Variants in TRPM4 observed in about 807,000 individuals in gnomAD.
TRPM4 encodes calcium-activated non-selective cation channel 1.
Under a neutral mutation model 135.6 loss-of-function variants are expected in TRPM4, and 124 were observed. The ratio of observed to expected loss-of-function variants is 0.91; its 90% CI spans 0.79 to 1.06. TRPM4 has a LOEUF of 1.06. Ranked by LOEUF, TRPM4 falls within the 50% of genes least tolerant of loss-of-function variation. TRPM4 has a pLI of 0.00. For synonymous variants in TRPM4, 745 were observed against 705.6 expected (o/e 1.06, Z -0.88); for missense variants, 1,658 against 1,671.4 (o/e 0.99, Z 0.14).
rs559724432 is a variant in TRPM4, at chr19:49,168,784, A to G, written c.796+48A>G. On this transcript the variant is annotated intron_variant, in intron 6 of 24. Coordinates refer to ENST00000252826, the MANE Select transcript of TRPM4 (RefSeq NM_017636.4). ...CACAACCCACGACCCACAACCTGCAACCCCAGCGCTCAGGATCCCAGTAGT... is the reference window on the plus strand; with the variant it reads ...CACAACCCACGACCCACAACCTGCAGCCCCAGCGCTCAGGATCCCAGTAGT... The G allele has an allele frequency of 5.5e-5, 85 of 1,544,242 alleles. 1 individual carries two copies. In the South Asian group the frequency reaches 7.0e-4, roughly 13 times the overall value.
At chr19:49,193,922 CCTCCTCCTCTTCATCCTCCTCCTCCTT>C (rs1369718790) in intron 16 of TRPM4, among the ~76,000 whole-genome samples, 2 of 150,842 alleles carry the variant, frequency 1.3e-5, no homozygotes, top group Non-Finnish European at 1.5e-5. Flanking sequence ...TCCTCCTTCT[CCTCCTCCTCTTCATCCTCCTCCTCCTT>C]CTCCTCCTCT....
Position 49,196,774 on chromosome 19 carries a change from C to A in TRPM4, c.2545C>A (p.His849Asn). ...SLASGGPGPG[H>N]ASLSQRLRLY... ...CGCCAGCGGGGGCCCCGGGCCTGGCCATGCCTCACTGAGCCAGCGCCTGCG... is the reference window on the plus strand; with the variant it reads ...CGCCAGCGGGGGCCCCGGGCCTGGCAATGCCTCACTGAGCCAGCGCCTGCG... The change falls in exon 17 of 25, where the codon CAT becomes AAT. Residue 849 changes from histidine (H) to asparagine (N), a missense_variant. His to Asn is a moderately conservative substitution (Grantham distance 68). This residue lies in a region of TRPM4 where 1,412 missense variants were observed against 1,408.7 expected (regional missense o/e 1.00). Transcript: ENST00000252826. 6.4e-7 allele frequency: 1 copy of A among 1,565,594 alleles called. No individual in the cohort carries two copies.
intron 20 of TRPM4, among the ~76,000 whole-genome samples, chr19:49,209,852 G>C (rs544126627): frequency 4.0e-5 from 6 of 150,246 alleles, no homozygotes; most frequent in East Asian, 2.0e-4. Flanking sequence ...GGGTTCAAGC[G>C]ATTCTCCTGC....
intron 17 of TRPM4, among the ~76,000 whole-genome samples, chr19:49,199,088 T>C (rs1435333024): frequency 6.6e-6 from 1 of 151,978 alleles, no homozygotes; most frequent in Admixed American, 6.6e-5. Context: ...ATACTTTCAC[T>C]CTAAAATGTA....
chr19:49,193,892 C>T (rs1208676896), intron 16 of TRPM4, among the ~76,000 whole-genome samples: 1 of 151,654 alleles, frequency 6.6e-6, no homozygotes, highest in East Asian at 1.9e-4. Context: ...TTGTCATCCT[C>T]CTTCTCCTCC....
At chr19:49,190,872 C>A in intron 16 of TRPM4, 99 bp downstream of exon 16, 3 of 1,048,094 alleles carry the variant, frequency 2.9e-6, no homozygotes, top group South Asian at 2.9e-5. Context: ...TGAGTTGCTA[C>A]AAAGTTGCTA....
At chr19:49,165,900 C>A in intron 2 of TRPM4, 141 bp from the exon 3 acceptor site, 1 of 856,090 alleles carries the variant, frequency 1.2e-6, no homozygotes, top group Non-Finnish European at 1.8e-6. Flanking sequence ...AGAGCCAGGG[C>A]CAGGGGCAGC....
intron 16 of TRPM4, 75 bp downstream of exon 16, chr19:49,190,848 T>C: frequency 7.5e-7 from 1 of 1,332,790 alleles, no homozygotes; most frequent in Non-Finnish European, 1.1e-6. Flanking sequence ...TTCCACGTTG[T>C]GTTAGTCCCC....
rs754685981 is a variant in TRPM4 at position 49,158,276 on chromosome 19, T to C, written c.92+17T>C. ...AGATCCGGGGTGAGGAGTTCGCCCC[T>C]GGACTGACCCCAGAGGGTCCGCGGC... On this transcript the variant is annotated intron_variant, in intron 2 of 24. Coordinates refer to ENST00000252826, the MANE Select transcript of TRPM4 (RefSeq NM_017636.4). 3.1e-5 allele frequency: 50 copies of C among 1,612,188 alleles called. No individual in the cohort carries two copies. The highest frequency in any genetic ancestry group is 1.5e-4 in the Admixed American group (9 of 59,996).
intron 2 of TRPM4, among the ~76,000 whole-genome samples, chr19:49,160,491 A>C (rs1453919019): frequency 6.6e-6 from 1 of 151,924 alleles, no homozygotes; most frequent in Non-Finnish European, 1.5e-5. Flanking sequence ...CTCAAAAAAA[A>C]AAAAAAAAAG....
intron 6 of TRPM4, 26 bp downstream of exon 6, chr19:49,168,762 A>G: frequency 1.9e-6 from 3 of 1,570,060 alleles, no homozygotes; most frequent in Non-Finnish European, 1.7e-6. Flanking sequence ...CATGACCCAC[A>G]ACCCACGACC....
intron 12 of TRPM4, among the ~76,000 whole-genome samples, chr19:49,187,526 A>T (rs927126272): frequency 6.6e-5 from 10 of 151,670 alleles, no homozygotes; most frequent in East Asian, 1.9e-4. Flanking sequence ...AAAAAAAAAA[A>T]TTTTGTAGAG....
rs1600416574 is a variant in TRPM4 at position 49,170,112 on chromosome 19, C to A, written c.797-1245C>A. On this transcript the variant is annotated intron_variant, in intron 6 of 24. Transcript: ENST00000252826. ...AAATCAATTTTCACTTCAGTGATTT[C>A]ATTTTTTTGCATTATTGAGTTAGCT... is the stretch of plus-strand genomic sequence containing the variant. Among the ~76,000 whole-genome samples the A allele has an allele frequency of 2.6e-5, 4 of 152,278 alleles. 1 individual carries two copies. The highest frequency in any genetic ancestry group is 2.6e-4 in the Admixed American group (4 of 15,288).
At chr19:49,158,442 C>G in intron 2 of TRPM4, 183 bp downstream of exon 2, 1 of 641,764 alleles carries the variant, frequency 1.6e-6, no homozygotes, top group Non-Finnish European at 2.8e-6. Flanking sequence ...CCTCATTCCC[C>G]ATTCGCCATT....
rs746075675 is a variant in TRPM4 at position 49,182,723 on chromosome 19, A to G, written c.1409A>G (p.Asn470Ser). ...CAACTCTACAGCGCGGCGCCCTCCA[A>G]CTCGCTCATCCGCAACCTTTTGGAC... is the stretch of plus-strand genomic sequence containing the variant. ...LAQLYSAAPS[N>S]SLIRNLLDQA... The change falls in exon 11 of 25, where the codon AAC (asparagine) becomes AGC (serine). Residue 470 changes from asparagine to serine, a missense_variant. By Grantham distance (46) the Asn-to-Ser change is conservative (BLOSUM62 1). Transcript: ENST00000252826. 5.4e-5 allele frequency: 87 copies of G among 1,613,800 alleles called. No homozygotes were observed. The Admixed American group carries it at 6.3e-4, about 12-fold the overall frequency.
At chr19:49,167,623 G>T in intron 3 of TRPM4, 1 of 224,634 alleles carries the variant, frequency 4.5e-6, no homozygotes, top group Non-Finnish European at 7.8e-6. Context: ...TCTGTCCCAT[G>T]TCTCTGGGTC....
intron 9 of TRPM4, among the ~76,000 whole-genome samples, chr19:49,174,204 G>A (rs1967584716): frequency 6.6e-6 from 1 of 152,166 alleles, no homozygotes; most frequent in African/African-American, 2.4e-5. Context: ...CCAGGCTGGA[G>A]TGCAGTGGTG....
intron 9 of TRPM4, among the ~76,000 whole-genome samples, chr19:49,179,289 A>C (rs10404145): frequency 0.34 from 51,700 of 151,172 alleles, 9,151 homozygotes; most frequent in African/African-American, 0.44. Context: ...TCCTGACCTC[A>C]GGTGATTCGC....
chr19:49,201,675 G>A (rs1170359213), intron 19 of TRPM4, among the ~76,000 whole-genome samples: 1 of 152,208 alleles, frequency 6.6e-6, no homozygotes, highest in Non-Finnish European at 1.5e-5. Context: ...TCAGCTCACT[G>A]CAACCTCCAC....
Sources: allele counts gnomAD v4.1 joint callset (sites outside exome capture counted in the v4.1 genomes callset), GRCh38; gene constraint gnomAD v4.1.1; regional missense constraint gnomAD v4.1.1; transcripts MANE v1.5; gene names NCBI Gene and HGNC (gene_info 2026-07-23, HGNC 2026-07-21).